IL26: variants seen among roughly 807,000 people sequenced by gnomAD.
The protein encoded by IL26 is interleukin-26.
IL26 carries 23 observed loss-of-function variants against 21.7 expected under a neutral mutation model. The ratio of observed to expected loss-of-function variants is 1.06; its 90% CI spans 0.76 to 1.50. IL26 has a LOEUF of 1.50. Ranked by LOEUF, IL26 falls within the 40% of genes most tolerant of loss-of-function variation. The probability of loss-of-function intolerance (pLI) is 0.00; values close to 1 mark genes in which losing one functional copy is unlikely to be tolerated. For synonymous variants in IL26, 63 were observed against 67.8 expected (o/e 0.93, Z 0.34); for missense variants, 204 against 196.0 (o/e 1.04, Z -0.24).
rs553468026 is a variant in IL26, at chr12:68,225,104, C to T, written c.363+45G>A. 20 of 1,551,048 alleles carry T rather than the reference C, an allele frequency of 1.3e-5. No homozygotes were observed. In the South Asian group the frequency reaches 1.8e-4, roughly 14 times the overall value. Reference sequence around the variant, plus strand: ...AGATTCTTACATGCTGACTTCTAAACAGGTTTCTAGGATCAAATGCACAGT... The same window carrying T: ...AGATTCTTACATGCTGACTTCTAAATAGGTTTCTAGGATCAAATGCACAGT... On this transcript the variant is annotated intron_variant, in intron 3 of 4. Transcript: ENST00000229134.
At chr12:68,210,594 T>C (rs1034466249) in intron 3 of IL26, among the ~76,000 whole-genome samples, 5 of 152,042 alleles carry the variant, frequency 3.3e-5, no homozygotes, top group Admixed American at 6.5e-5. Flanking sequence ...TTAATTTTAA[T>C]AAAAAGACAA....
At chr12:68,217,311 G>C (rs184540911) in intron 3 of IL26, among the ~76,000 whole-genome samples, 1 of 152,080 alleles carries the variant, frequency 6.6e-6, no homozygotes, top group Non-Finnish European at 1.5e-5. Flanking sequence ...TTGCAAGGAA[G>C]CCCAAAAGGC....
intron 3 of IL26, among the ~76,000 whole-genome samples, chr12:68,207,413 C>CAAT: frequency 6.6e-6 from 1 of 152,330 alleles, no homozygotes; most frequent in East Asian, 1.9e-4. Context: ...CCACTTTTTA[C>CAAT]TGCAATGGGC....
chr12:68,206,467 C>T (rs1431840237), intron 3 of IL26, among the ~76,000 whole-genome samples: 1 of 152,124 alleles, frequency 6.6e-6, no homozygotes, highest in Non-Finnish European at 1.5e-5. Flanking sequence ...AAGGCAGTTG[C>T]TTACTGGCAA....
intron 3 of IL26, among the ~76,000 whole-genome samples, chr12:68,222,807 C>T (rs1230218041): frequency 1.3e-5 from 2 of 152,086 alleles, no homozygotes; most frequent in African/African-American, 2.4e-5. Flanking sequence ...ATAGTACGGA[C>T]GGCAGGGGAA....
At chr12:68,207,887 T>C (rs1868587021) in intron 3 of IL26, among the ~76,000 whole-genome samples, 1 of 137,016 alleles carries the variant, frequency 7.3e-6, no homozygotes. Context: ...ACATATATTT[T>C]ATGCATTAAT....
intron 3 of IL26, among the ~76,000 whole-genome samples, chr12:68,214,830 A>G (rs1342368793): frequency 6.7e-6 from 1 of 150,210 alleles, no homozygotes; most frequent in Admixed American, 6.6e-5. Flanking sequence ...CTTACATTCA[A>G]TGTTATCATT....
At chr12:68,204,281 A>G (rs1346198569) in intron 3 of IL26, among the ~76,000 whole-genome samples, 1 of 151,546 alleles carries the variant, frequency 6.6e-6, no homozygotes, top group South Asian at 2.1e-4. Flanking sequence ...ACAGCTGGGA[A>G]TACAGGCGCC....
chr12:68,224,285 T>TTTTTGGTTTG (rs1869161681), intron 3 of IL26, among the ~76,000 whole-genome samples: 2 of 148,010 alleles, frequency 1.4e-5, no homozygotes, highest in African/African-American at 5.0e-5. Context: ...TGGCTCAGTG[T>TTTTTGGTTTG]TTTTGTTTTG....
At chr12:68,215,759 C>G (rs1214352384) in intron 3 of IL26, among the ~76,000 whole-genome samples, 1 of 152,090 alleles carries the variant, frequency 6.6e-6, no homozygotes, top group Non-Finnish European at 1.5e-5. Flanking sequence ...TCTCAGCCTC[C>G]TGGGTTCAAG....
At chr12:68,211,945 A>C (rs964305335) in intron 3 of IL26, among the ~76,000 whole-genome samples, 5 of 151,892 alleles carry the variant, frequency 3.3e-5, no homozygotes, top group Non-Finnish European at 2.9e-5. Context: ...CTCAAAAAAA[A>C]ATCTCTGCCC....
chr12:68,225,440 T>C lies in IL26; in HGVS notation c.228+4A>G. 6.4e-7 allele frequency: 1 copy of C among 1,572,164 alleles called. No homozygotes were observed. The highest frequency in any genetic ancestry group is 1.7e-5 in the Admixed American group (1 of 58,820). On this transcript the variant is annotated splice_donor_region_variant and intron_variant, in intron 2 of 4. Coordinates refer to ENST00000229134, the MANE Select transcript of IL26 (RefSeq NM_018402.2). ...GTAAAAAAGAAGAAGACTTTCTGAC[T>C]TACCATAAACTGCTTTTTTGTTTTC...
rs1043974415 is a variant in IL26, at chr12:68,224,685, G to A, written c.363+464C>T. 2.1e-4 allele frequency among the ~76,000 whole-genome samples: 29 copies of A among 139,248 alleles called. No homozygotes were observed. The East Asian group carries it at 6.3e-3, about 30-fold the overall frequency. 91.4% of individuals were successfully genotyped at this position (139,248 alleles called of 152,430 possible). A position where few individuals can be genotyped will look rare whatever the true frequency, so the allele number is the denominator to read the frequency against. On this transcript the variant is annotated intron_variant, in intron 3 of 4. Transcript: ENST00000229134. ...AAGAGAGAGGGAGGGAAGGAGGGTG[G>A]AGGAAGAGAAAGGGGAGAGGGAGGG...
At position 68,201,831 on chromosome 12, in the gene IL26, T is replaced by G; in HGVS notation, c.*14A>C. ...TTTCAAAATAACTGTAAAATCAATGTACTTGGCTTTGGTTTACTGACTGCT... is the reference window on the plus strand; with the variant it reads ...TTTCAAAATAACTGTAAAATCAATGGACTTGGCTTTGGTTTACTGACTGCT... On this transcript the variant is annotated 3_prime_UTR_variant, in exon 5 of 5. Transcript: ENST00000229134. The G allele has an allele frequency of 6.6e-7, 1 of 1,520,240 alleles. No individual in the cohort carries two copies. Among genetic ancestry groups the G allele is most frequent in the Non-Finnish European group, 9.0e-7 (1 of 1,115,594 alleles). 94.2% of individuals were successfully genotyped at this position (1,520,240 alleles called of 1,614,324 possible).
In IL26 at chr12:68,217,490, T is replaced by A. The variant is rs986199554; in HGVS notation, c.363+7659A>T. On this transcript the variant is annotated intron_variant, in intron 3 of 4. Coordinates refer to ENST00000229134, the MANE Select transcript of IL26 (RefSeq NM_018402.2). ...AAGCTAGCAAATAAAGGAAGATAAT[T>A]AAGTATTTAACCTGGCTTTCTTATA... 5.3e-5 allele frequency among the ~76,000 whole-genome samples: 8 copies of A among 152,214 alleles called. No individual in the cohort carries two copies. In the South Asian group the frequency reaches 8.3e-4, roughly 16 times the overall value.
At chr12:68,216,103 C>A (rs1868870954) in intron 3 of IL26, among the ~76,000 whole-genome samples, 1 of 151,520 alleles carries the variant, frequency 6.6e-6, no homozygotes, top group Non-Finnish European at 1.5e-5. Context: ...CCATCCTGGC[C>A]AACATGGTGA....
At chr12:68,214,846 G>A (rs183379636) in intron 3 of IL26, among the ~76,000 whole-genome samples, 1 of 149,636 alleles carries the variant, frequency 6.7e-6, no homozygotes, top group East Asian at 2.0e-4. Flanking sequence ...TCATTGATAG[G>A]TAAAAACTTA....
At chr12:68,212,882 T>A (rs2120447665) in intron 3 of IL26, among the ~76,000 whole-genome samples, 1 of 152,236 alleles carries the variant, frequency 6.6e-6, no homozygotes, top group South Asian at 2.1e-4. Flanking sequence ...TGCACTTTAT[T>A]TCCTTCTCTT....
chr12:68,211,448 G>A (rs1221698279), intron 3 of IL26, among the ~76,000 whole-genome samples: 2 of 152,090 alleles, frequency 1.3e-5, no homozygotes, highest in Non-Finnish European at 2.9e-5. Flanking sequence ...GAATCACATG[G>A]TAGTTATACT....
Sources: gnomAD v4.1 joint callset for allele counts (sites outside exome capture counted in the v4.1 genomes callset) on GRCh38, gnomAD v4.1.1 for gene constraint, MANE v1.5 for transcripts, NCBI Gene and HGNC (gene_info 2026-07-23, HGNC 2026-07-21) for gene names.